STXBP4: variants seen among roughly 807,000 people sequenced by gnomAD.
The protein encoded by STXBP4 is syntaxin-binding protein 4.
Under a neutral mutation model 76.1 loss-of-function variants are expected in STXBP4, and 55 were observed. That is an observed-to-expected ratio of 0.72 (90% CI 0.58 to 0.91). STXBP4 has a LOEUF of 0.91. Ranked by LOEUF, STXBP4 falls within the 40% of genes least tolerant of loss-of-function variation. The probability of loss-of-function intolerance (pLI) is 0.00; values close to 1 mark genes in which losing one functional copy is unlikely to be tolerated. For missense variants in STXBP4, 618 were observed against 636.9 expected (o/e 0.97, Z 0.32); for synonymous variants, 201 against 220.2 (o/e 0.91, Z 0.77).
chr17:55,080,068 C>A (rs746425211), intron 15 of STXBP4, among the ~76,000 whole-genome samples: 24 of 152,014 alleles, frequency 1.6e-4, no homozygotes, highest in Non-Finnish European at 3.4e-4. Context: ...TGTCACCCAC[C>A]CTCAGCTTTC....
intron 6 of STXBP4, 48 bp downstream of exon 6, chr17:54,999,890 C>T (rs753053825): frequency 8.0e-7 from 1 of 1,255,778 alleles, no homozygotes; most frequent in East Asian, 2.3e-5. Flanking sequence ...TCCATAAATT[C>T]CCTATACATT....
At position 55,161,203 on chromosome 17, in the gene STXBP4, A is replaced by G. The variant is rs1333745037; in HGVS notation, c.*1292A>G. On this transcript the variant is annotated 3_prime_UTR_variant, in exon 18 of 18. Transcript: ENST00000376352. ...ATATACATATACATTGTGCTCAACT[A>G]TACATTCCTGAATCCATTTAGGATT... 4.6e-5 allele frequency: 7 copies of G among 152,354 alleles called. 1 individual carries two copies. The highest frequency in any genetic ancestry group is 3.9e-4 in the Admixed American group (6 of 15,308). 9.4% of individuals were successfully genotyped at this position (152,354 alleles called of 1,614,324 possible). A position where few individuals can be genotyped will look rare whatever the true frequency, so the allele number is the denominator to read the frequency against.
chr17:55,097,556 A>C (rs559280673), intron 16 of STXBP4, among the ~76,000 whole-genome samples: 1 of 151,900 alleles, frequency 6.6e-6, no homozygotes, highest in Non-Finnish European at 1.5e-5. Flanking sequence ...TCAGCTACTC[A>C]GGAGGCTGAG....
At chr17:55,044,980 A>G (rs1029436745) in intron 11 of STXBP4, among the ~76,000 whole-genome samples, 1 of 152,050 alleles carries the variant, frequency 6.6e-6, no homozygotes, top group Non-Finnish European at 1.5e-5. Context: ...CCAGTTCCCT[A>G]TTGATGGACA....
At chr17:55,050,258 A>G (rs1309893966) in intron 12 of STXBP4, among the ~76,000 whole-genome samples, 1 of 152,126 alleles carries the variant, frequency 6.6e-6, no homozygotes, top group Non-Finnish European at 1.5e-5. Flanking sequence ...AACCAGTTAG[A>G]AGTTTTAATA....
At chr17:55,202,293 T>G in the STXBP4 span, among the ~76,000 whole-genome samples, 2 of 152,122 alleles carry the variant, frequency 1.3e-5, no homozygotes, top group African/African-American at 4.8e-5. Context: ...CCCCCAGGTC[T>G]GATCCCTTAC....
At chr17:55,087,095 T>C (rs1253171296) in intron 16 of STXBP4, among the ~76,000 whole-genome samples, 1 of 152,170 alleles carries the variant, frequency 6.6e-6, no homozygotes, top group Admixed American at 6.5e-5. Flanking sequence ...ATTTGCTCAC[T>C]TTTTAAATCA....
At chr17:55,029,524 A>G (rs1420490038) in intron 8 of STXBP4, among the ~76,000 whole-genome samples, 1 of 151,720 alleles carries the variant, frequency 6.6e-6, no homozygotes, top group Non-Finnish European at 1.5e-5. Context: ...TATTTGAAAC[A>G]TTTTTATAAC....
At chr17:55,068,721 C>G (rs954171352) in intron 12 of STXBP4, among the ~76,000 whole-genome samples, 4 of 152,038 alleles carry the variant, frequency 2.6e-5, no homozygotes, top group African/African-American at 9.7e-5. Context: ...CTTTAATTCT[C>G]TTGTGAGAAT....
chr17:55,061,678 C>G (rs1203128161), intron 12 of STXBP4, among the ~76,000 whole-genome samples: 1 of 152,130 alleles, frequency 6.6e-6, no homozygotes, highest in African/African-American at 2.4e-5. Context: ...CTAATCTGTT[C>G]TATATCTCCA....
intron 1 of STXBP4, among the ~76,000 whole-genome samples, chr17:54,976,172 C>T (rs188533306): frequency 2.2e-4 from 33 of 152,186 alleles, no homozygotes; most frequent in African/African-American, 5.5e-4. Context: ...GAAGGCAGTC[C>T]GGTAGCCTAA....
chr17:55,066,054 T>C (rs2079047475), intron 12 of STXBP4, among the ~76,000 whole-genome samples: 1 of 152,208 alleles, frequency 6.6e-6, no homozygotes. Flanking sequence ...TAGATATCCA[T>C]CATTATTACA....
chr17:55,006,009 A>G (rs1054069899), intron 7 of STXBP4, among the ~76,000 whole-genome samples: 2 of 152,090 alleles, frequency 1.3e-5, no homozygotes, highest in African/African-American at 4.8e-5. Flanking sequence ...ATATATGTAT[A>G]TATGTATATG....
At chr17:55,199,961 C>T in the STXBP4 span, among the ~76,000 whole-genome samples, 33 of 152,348 alleles carry the variant, frequency 2.2e-4, no homozygotes, top group Non-Finnish European at 4.0e-4. Flanking sequence ...ATCCCCATTC[C>T]TTAGAGCTTC....
chr17:55,110,712 C>T (rs539307416), intron 16 of STXBP4, among the ~76,000 whole-genome samples: 1 of 152,278 alleles, frequency 6.6e-6, no homozygotes, highest in African/African-American at 2.4e-5. Context: ...AATAAGTAAA[C>T]AAAGGTGTAG....
At chr17:55,129,405 A>G (rs1398273269) in intron 16 of STXBP4, among the ~76,000 whole-genome samples, 1 of 152,114 alleles carries the variant, frequency 6.6e-6, no homozygotes, top group East Asian at 1.9e-4. Flanking sequence ...GAAAATGTTT[A>G]TAATCCCATG....
chr17:55,147,660 G>A (rs1377009140), intron 17 of STXBP4, among the ~76,000 whole-genome samples: 1 of 152,056 alleles, frequency 6.6e-6, no homozygotes, highest in African/African-American at 2.4e-5. Flanking sequence ...TATCACATAG[G>A]CAGTATTATT....
At chr17:55,138,780 G>GGGAAAACT (rs1354558303) in intron 16 of STXBP4, among the ~76,000 whole-genome samples, 1 of 152,010 alleles carries the variant, frequency 6.6e-6, no homozygotes, top group Non-Finnish European at 1.5e-5. Context: ...CCTTTACTAA[G>GGGAAAACT]GGAAAACTGA....
Position 54,990,939 on chromosome 17 carries a change from T to A in STXBP4, c.162T>A (p.Pro54=). Residue 54 remains proline (P), a synonymous_variant, in exon 4 of 18, where the codon CCT becomes CCA. Coordinates refer to ENST00000376352, the MANE Select transcript of STXBP4 (RefSeq NM_178509.6). ...GPLVYIQEII[P]GGDCYKDGRL... The stretch of plus-strand genomic sequence containing the variant: ...TGGTATATATTCAGGAAATTATTCC[T>A]GGAGGAGACTGTTATAAGGTAAAAA... The A allele has an allele frequency of 6.3e-7, 1 of 1,583,244 alleles. No homozygotes were observed. The highest frequency in any genetic ancestry group is 1.2e-5 in the South Asian group (1 of 84,870).
Sources: gnomAD v4.1 joint callset for allele counts (sites outside exome capture counted in the v4.1 genomes callset) on GRCh38, gnomAD v4.1.1 for gene constraint, MANE v1.5 for transcripts, NCBI Gene and HGNC (gene_info 2026-07-23, HGNC 2026-07-21) for gene names.